KDM4C: variants seen among roughly 807,000 people sequenced by gnomAD.
KDM4C encodes the protein lysine demethylase 4C.
In KDM4C, 81 loss-of-function variants were observed where a neutral mutation model predicts 129.3. That is an observed-to-expected ratio of 0.63 (90% CI 0.52 to 0.75). The LOEUF (loss-of-function observed/expected upper bound fraction) is 0.75. Among genes scored for constraint, KDM4C ranks in the 30% least tolerant of loss-of-function variants. The pLI is 0.00. For synonymous variants in KDM4C, 573 were observed against 456.1 expected (o/e 1.26, Z -3.26); for missense variants, 1,457 against 1,304.0 (o/e 1.12, Z -1.81).
intron 17 of KDM4C, among the ~76,000 whole-genome samples, chr9:7,051,650 A>G (rs1303389962): frequency 6.6e-6 from 1 of 152,172 alleles, no homozygotes; most frequent in Admixed American, 6.6e-5. Flanking sequence ...TTTCATAAAT[A>G]TATATGTGTC....
chr9:6,781,439 A>G (rs1428160521), intron 1 of KDM4C, among the ~76,000 whole-genome samples: 1 of 152,134 alleles, frequency 6.6e-6, no homozygotes, highest in Non-Finnish European at 1.5e-5. Context: ...ATTAACATTA[A>G]ATTTGTTGCC....
intron 8 of KDM4C, among the ~76,000 whole-genome samples, chr9:6,894,672 A>T (rs1460645589): frequency 6.6e-6 from 1 of 152,214 alleles, no homozygotes; most frequent in Non-Finnish European, 1.5e-5. Flanking sequence ...ACTACCATGT[A>T]CATTGGAGTT....
chr9:6,990,306 C>T lies in KDM4C; in HGVS notation c.1678-110C>T, dbSNP rs148567161. On this transcript the variant is annotated intron_variant, in intron 11 of 21. Coordinates refer to ENST00000381309, the MANE Select transcript of KDM4C (RefSeq NM_015061.6). ...TAGTTCCCCAAGAGGTAAACAACCA[C>T]AAGATTTCTTCAACATTAAGTGATA... The T allele has an allele frequency of 8.9e-4, 668 of 751,976 alleles. 8 individuals are homozygous for T. In the East Asian group the frequency reaches 0.016, roughly 18 times the overall value. The allele number at this position is 751,976 out of a possible 1,614,324, so 46.6% of individuals were successfully genotyped here. A position where few individuals can be genotyped will look rare whatever the true frequency, so the allele number is the denominator to read the frequency against.
chr9:6,903,553 A>C (rs1009912139), intron 8 of KDM4C, among the ~76,000 whole-genome samples: 3 of 152,196 alleles, frequency 2.0e-5, no homozygotes, highest in South Asian at 2.1e-4. Context: ...CTCTTAGGAA[A>C]TGAGCAGAAA....
At chr9:7,006,566 G>A (rs553628212) in intron 12 of KDM4C, among the ~76,000 whole-genome samples, 33 of 152,172 alleles carry the variant, frequency 2.2e-4, no homozygotes, top group African/African-American at 6.7e-4. Flanking sequence ...GGCTGAGAAG[G>A]GAGGGTTGTA....
intron 1 of KDM4C, among the ~76,000 whole-genome samples, chr9:6,792,242 C>G (rs1485885226): frequency 6.6e-6 from 1 of 151,370 alleles, no homozygotes; most frequent in Non-Finnish European, 1.5e-5. Context: ...ACTGGGGAGG[C>G]TGAGGCAGGA....
At chr9:6,967,277 A>G (rs1191850440) in intron 8 of KDM4C, among the ~76,000 whole-genome samples, 1 of 151,826 alleles carries the variant, frequency 6.6e-6, no homozygotes, top group African/African-American at 2.4e-5. Context: ...TACAAATATT[A>G]GCCGGGCTTG....
At chr9:6,835,212 G>T (rs1588595407) in intron 4 of KDM4C, 1 of 916,360 alleles carries the variant, frequency 1.1e-6, no homozygotes, top group East Asian at 2.4e-5. Flanking sequence ...GCAACGAGCA[G>T]TTCTGCTGCC....
At chr9:6,789,037 C>A (rs909378699) in intron 1 of KDM4C, among the ~76,000 whole-genome samples, 1 of 150,996 alleles carries the variant, frequency 6.6e-6, no homozygotes, top group African/African-American at 2.4e-5. Context: ...GGGCCAGATC[C>A]AGATTTTTGT....
At chr9:7,137,786 C>G (rs745669372) in intron 19 of KDM4C, among the ~76,000 whole-genome samples, 1 of 152,164 alleles carries the variant, frequency 6.6e-6, no homozygotes, top group African/African-American at 2.4e-5. Context: ...GTGCTAACAC[C>G]CCAGGATATA....
chr9:7,116,522 C>T (rs974688650), intron 18 of KDM4C, among the ~76,000 whole-genome samples: 9 of 152,128 alleles, frequency 5.9e-5, no homozygotes, highest in East Asian at 3.9e-4. Context: ...CCTGCCCCCA[C>T]GTGAACCCCA....
At chr9:7,150,837 G>A (rs1236403075) in intron 19 of KDM4C, among the ~76,000 whole-genome samples, 1 of 152,162 alleles carries the variant, frequency 6.6e-6, no homozygotes, top group Non-Finnish European at 1.5e-5. Flanking sequence ...GTTTTTGCAT[G>A]CCAGAATCTC....
In KDM4C at chr9:6,861,806, T is replaced by C. The variant is rs911930490; in HGVS notation, c.629+12106T>C. 2.6e-5 allele frequency among the ~76,000 whole-genome samples: 4 copies of C among 151,882 alleles called. No individual in the cohort carries two copies. The Middle Eastern group carries it at 0.014, about 517-fold the overall frequency. The stretch of plus-strand genomic sequence containing the variant: ...TTTTTTTTTTCTCGAGATGGAGTCT[T>C]GCTCTGTTGCCCAGGCTGCAGTGCA... On this transcript the variant is annotated intron_variant, in intron 5 of 21. Transcript: ENST00000381309.
At chr9:6,957,026 G>A (rs752585525) in intron 8 of KDM4C, among the ~76,000 whole-genome samples, 1 of 152,114 alleles carries the variant, frequency 6.6e-6, no homozygotes, top group Non-Finnish European at 1.5e-5. Flanking sequence ...TGGTTACGAT[G>A]GACAAGGGAC....
chr9:6,892,692 G>C (rs560987688), intron 7 of KDM4C, among the ~76,000 whole-genome samples: 2 of 152,300 alleles, frequency 1.3e-5, no homozygotes, highest in East Asian at 1.9e-4. Flanking sequence ...CAAAGTTTCT[G>C]TAGCTGTAGC....
intron 6 of KDM4C, among the ~76,000 whole-genome samples, chr9:6,882,222 G>A (rs1255851364): frequency 6.6e-6 from 1 of 152,142 alleles, no homozygotes; most frequent in Non-Finnish European, 1.5e-5. Context: ...TTTTATACTT[G>A]TTATATTCGT....
At chr9:6,854,147 C>G (rs1361952683) in intron 5 of KDM4C, among the ~76,000 whole-genome samples, 1 of 152,078 alleles carries the variant, frequency 6.6e-6, no homozygotes, top group African/African-American at 2.4e-5. Context: ...TTCCAAGCCT[C>G]TTGTGTGAGT....
intron 8 of KDM4C, among the ~76,000 whole-genome samples, chr9:6,946,982 C>T (rs993713418): frequency 3.9e-5 from 6 of 152,054 alleles, no homozygotes; most frequent in Non-Finnish European, 8.8e-5. Flanking sequence ...CCTCTGATCC[C>T]AACTGGTCTA....
chr9:6,911,403 G>A (rs950238096), intron 8 of KDM4C, among the ~76,000 whole-genome samples: 2 of 152,166 alleles, frequency 1.3e-5, no homozygotes, highest in African/African-American at 4.8e-5. Context: ...TTCAGTGTGC[G>A]TAATTGCATC....
Sources: gnomAD v4.1 joint callset for allele counts (sites outside exome capture counted in the v4.1 genomes callset) on GRCh38, gnomAD v4.1.1 for gene constraint, MANE v1.5 for transcripts, NCBI Gene and HGNC (gene_info 2026-07-23, HGNC 2026-07-21) for gene names.